TENM2: variants seen among roughly 807,000 people sequenced by gnomAD.
TENM2 encodes the protein teneurin transmembrane protein 2.
In TENM2, 52 loss-of-function variants were observed where a neutral mutation model predicts 245.2. The ratio of observed to expected loss-of-function variants is 0.21; its 90% CI spans 0.17 to 0.27. The LOEUF is 0.27. Among genes scored for constraint, TENM2 ranks in the 10% least tolerant of loss-of-function variants. The pLI is 1.00. For missense variants in TENM2, 3,046 were observed against 3,666.8 expected (o/e 0.83, Z 4.37); for synonymous variants, 1,363 against 1,438.9 (o/e 0.95, Z 1.19).
intron 5 of TENM2, among the ~76,000 whole-genome samples, chr5:167,994,182 G>C (rs980979208): frequency 1.3e-4 from 20 of 152,260 alleles, no homozygotes; most frequent in African/African-American, 4.6e-4. Flanking sequence ...AGCTATGAGA[G>C]ACCTGCCCAG....
intron 5 of TENM2, among the ~76,000 whole-genome samples, chr5:168,042,095 C>T (rs977720979): frequency 1.3e-5 from 2 of 152,124 alleles, no homozygotes; most frequent in Non-Finnish European, 2.9e-5. Flanking sequence ...GAGACCCAGC[C>T]CTAACCCTTT....
chr5:167,462,176 C>A (rs888103352), intron 2 of TENM2, among the ~76,000 whole-genome samples: 2 of 47,234 alleles, frequency 4.2e-5, no homozygotes, highest in Non-Finnish European at 8.1e-5. Flanking sequence ...AGTTCCCTGA[C>A]CCCCACCCCC....
At chr5:167,023,350 A>T in the TENM2 span, among the ~76,000 whole-genome samples, 1 of 152,224 alleles carries the variant, frequency 6.6e-6, no homozygotes, top group Non-Finnish European at 1.5e-5. Flanking sequence ...ATATGTAAAG[A>T]GTATTGCTCA....
intron 4 of TENM2, among the ~76,000 whole-genome samples, chr5:167,974,740 T>C (rs1170203593): frequency 6.6e-6 from 1 of 152,204 alleles, no homozygotes; most frequent in African/African-American, 2.4e-5. Context: ...CCCCACCTGC[T>C]GCCGACAGTT....
At chr5:167,929,242 G>A (rs1447559762) in intron 3 of TENM2, among the ~76,000 whole-genome samples, 1 of 147,532 alleles carries the variant, frequency 6.8e-6, no homozygotes, top group Non-Finnish European at 1.5e-5. Context: ...AGGAAGGCAG[G>A]CAGGCAGGAA....
At chr5:167,426,579 G>A (rs1418812186) in intron 2 of TENM2, among the ~76,000 whole-genome samples, 2 of 148,974 alleles carry the variant, frequency 1.3e-5, no homozygotes, top group African/African-American at 5.0e-5. Flanking sequence ...CTAGATTTAA[G>A]CATTTTGGTA....
chr5:167,942,064 C>T (rs574088259), intron 3 of TENM2, among the ~76,000 whole-genome samples: 15 of 151,932 alleles, frequency 9.9e-5, no homozygotes, highest in Non-Finnish European at 2.2e-4. Context: ...AAAAATTAGC[C>T]GGATGTGGTG....
intron 2 of TENM2, among the ~76,000 whole-genome samples, chr5:167,704,082 T>C (rs1484729345): frequency 6.6e-6 from 1 of 152,188 alleles, no homozygotes; most frequent in East Asian, 1.9e-4. Flanking sequence ...CTCAGAGAAC[T>C]GTGTGGTGGA....
chr5:167,300,066 A>C (rs973013377), intron 1 of TENM2, among the ~76,000 whole-genome samples: 1 of 152,202 alleles, frequency 6.6e-6, no homozygotes, highest in Admixed American at 6.5e-5. Flanking sequence ...TTGGACAGAA[A>C]GGCTATCGGG....
intron 2 of TENM2, among the ~76,000 whole-genome samples, chr5:167,520,210 A>G (rs1439232751): frequency 6.6e-6 from 1 of 152,176 alleles, no homozygotes; most frequent in Non-Finnish European, 1.5e-5. Context: ...CCCTGTAACC[A>G]TTATATGTCT....
intron 13 of TENM2, among the ~76,000 whole-genome samples, chr5:168,189,060 T>G (rs1760724336): frequency 6.6e-6 from 1 of 152,200 alleles, no homozygotes; most frequent in Non-Finnish European, 1.5e-5. Flanking sequence ...TAGACTGCAG[T>G]CTTCTTGCTG....
At chr5:167,604,285 G>T (rs1776864812) in intron 2 of TENM2, among the ~76,000 whole-genome samples, 1 of 152,158 alleles carries the variant, frequency 6.6e-6, no homozygotes, top group South Asian at 2.1e-4. Context: ...AATGAAAACT[G>T]CAGCACGTAA....
chr5:167,028,579 G>A, the TENM2 span, among the ~76,000 whole-genome samples: 2 of 151,772 alleles, frequency 1.3e-5, no homozygotes, highest in East Asian at 1.9e-4. Flanking sequence ...TTAGGTGGGA[G>A]TATGTTTTTA....
the TENM2 span, among the ~76,000 whole-genome samples, chr5:167,207,480 A>AT: frequency 6.6e-6 from 1 of 152,168 alleles, no homozygotes; most frequent in African/African-American, 2.4e-5. Context: ...CAAGGAATTC[A>AT]TTTTTTTAAA....
the TENM2 span, among the ~76,000 whole-genome samples, chr5:167,117,823 C>T: frequency 6.6e-6 from 1 of 150,998 alleles, no homozygotes; most frequent in Non-Finnish European, 1.5e-5. Flanking sequence ...TCATCCCCTC[C>T]CCCTCCCCCA....
the TENM2 span, among the ~76,000 whole-genome samples, chr5:167,133,727 G>C: frequency 1.1e-3 from 168 of 151,348 alleles, no homozygotes; most frequent in African/African-American, 3.6e-3. Context: ...ACCCTCAGCA[G>C]ACTGAATTTT....
At chr5:167,692,982 G>C (rs1161086906) in intron 2 of TENM2, among the ~76,000 whole-genome samples, 1 of 152,196 alleles carries the variant, frequency 6.6e-6, no homozygotes, top group African/African-American at 2.4e-5. Context: ...GAGAGCCCGA[G>C]CTTTAGAGAC....
chr5:168,126,142 A>G (rs982511060), intron 11 of TENM2, among the ~76,000 whole-genome samples: 1 of 152,232 alleles, frequency 6.6e-6, no homozygotes, highest in Non-Finnish European at 1.5e-5. Flanking sequence ...GTGTAAATGC[A>G]GCACAATTAC....
chr5:167,086,938 C>A, the TENM2 span, among the ~76,000 whole-genome samples: 2 of 135,334 alleles, frequency 1.5e-5, no homozygotes, highest in Non-Finnish European at 3.1e-5. Flanking sequence ...CGCACACACA[C>A]ACACACACAC....
Sources: allele counts gnomAD v4.1 joint callset (sites outside exome capture counted in the v4.1 genomes callset), GRCh38; gene constraint gnomAD v4.1.1; transcripts MANE v1.5; gene names NCBI Gene and HGNC (gene_info 2026-07-23, HGNC 2026-07-21).